Variants in TNIP3 observed in about 807,000 individuals in gnomAD.
TNIP3 encodes the protein TNFAIP3-interacting protein 3.
TNIP3 carries 34 observed loss-of-function variants against 54.1 expected under a neutral mutation model. That is an observed-to-expected ratio of 0.63 (90% CI 0.48 to 0.84). The LOEUF is 0.84. TNIP3 is among the 40% of genes least tolerant of loss of function. The pLI is 0.00. For synonymous variants in TNIP3, 134 were observed against 136.8 expected, an observed-to-expected ratio of 0.98 and a Z score of 0.14; for missense variants, 366 against 387.6, an observed-to-expected ratio of 0.94 and a Z score of 0.47.
chr4:121,160,242 G>C (rs1730363297), intron 2 of TNIP3, among the ~76,000 whole-genome samples: 1 of 152,166 alleles, frequency 6.6e-6, no homozygotes, highest in Admixed American at 6.5e-5. Context: ...ACTTTGGGAG[G>C]CTGAGGTGGG....
chr4:121,219,764 T>C (rs1726955240), upstream of TNIP3, among the ~76,000 whole-genome samples: 1 of 152,208 alleles, frequency 6.6e-6, no homozygotes, highest in Non-Finnish European at 1.5e-5. Flanking sequence ...ATGTTATACA[T>C]TGAGAGGTGT....
At chr4:121,186,291 C>T (rs1475490249) in intron 2 of TNIP3, among the ~76,000 whole-genome samples, 3 of 152,108 alleles carry the variant, frequency 2.0e-5, no homozygotes, top group South Asian at 2.1e-4. Flanking sequence ...GGGAGGGATA[C>T]GTTTTGAGCA....
intron 7 of TNIP3, among the ~76,000 whole-genome samples, chr4:121,143,987 AAC>A (rs1366686653): frequency 6.6e-6 from 1 of 152,192 alleles, no homozygotes; most frequent in African/African-American, 2.4e-5. Flanking sequence ...TCACAAAAAG[AAC>A]ACTAGGAATG....
intron 10 of TNIP3, among the ~76,000 whole-genome samples, chr4:121,133,438 A>C (rs1421174973): frequency 6.6e-6 from 1 of 152,208 alleles, no homozygotes; most frequent in Non-Finnish European, 1.5e-5. Flanking sequence ...TTAAAAAGGT[A>C]TCTAATATGT....
chr4:121,211,350 C>T (rs571678757), intron 2 of TNIP3, among the ~76,000 whole-genome samples: 1 of 152,234 alleles, frequency 6.6e-6, no homozygotes, highest in African/African-American at 2.4e-5. Context: ...ATGTAACCTG[C>T]CTACTCTCTA....
At chr4:121,151,948 C>T (rs1019068010) in intron 5 of TNIP3, among the ~76,000 whole-genome samples, 5 of 152,154 alleles carry the variant, frequency 3.3e-5, no homozygotes, top group Non-Finnish European at 7.4e-5. Context: ...ACGGGTGGCA[C>T]GAGCTGAGTA....
chr4:121,136,086 A>G (rs1728765323), intron 10 of TNIP3, among the ~76,000 whole-genome samples: 1 of 152,226 alleles, frequency 6.6e-6, no homozygotes, highest in African/African-American at 2.4e-5. Flanking sequence ...TAGGTTTCAA[A>G]TGACAACATA....
chr4:121,134,875 A>C (rs1384413813), intron 10 of TNIP3, among the ~76,000 whole-genome samples: 2 of 152,112 alleles, frequency 1.3e-5, no homozygotes, highest in Non-Finnish European at 1.5e-5. Flanking sequence ...CTGGCACCCA[A>C]ATGCACATCC....
At chr4:121,201,962 T>C (rs547261892) in intron 2 of TNIP3, among the ~76,000 whole-genome samples, 1 of 152,290 alleles carries the variant, frequency 6.6e-6, no homozygotes, top group African/African-American at 2.4e-5. Flanking sequence ...AGAATCAATA[T>C]TGTGAAAATG....
intron 2 of TNIP3, among the ~76,000 whole-genome samples, chr4:121,209,344 CACTGGACTTAT>C (rs1726353327): frequency 6.6e-6 from 1 of 152,158 alleles, no homozygotes; most frequent in Non-Finnish European, 1.5e-5. Context: ...TATGGGTGGT[CACTGGACTTAT>C]AACTGGCCTC....
At chr4:121,163,916 AT>A (rs1730608009) in intron 1 of TNIP3, 143 bp downstream of exon 1, 2 of 887,310 alleles carry the variant, frequency 2.3e-6, no homozygotes, top group African/African-American at 1.7e-5. Context: ...ATGTTACATA[AT>A]TTTGGTTAAA....
intron 2 of TNIP3, among the ~76,000 whole-genome samples, chr4:121,206,854 G>A (rs1199224767): frequency 6.6e-6 from 1 of 152,152 alleles, no homozygotes; most frequent in African/African-American, 2.4e-5. Context: ...ACAGGTGTGA[G>A]CCACTGAGCC....
At chr4:121,164,333 C>T, upstream of TNIP3, 1 of 1,341,390 alleles carries the variant, frequency 7.5e-7, no homozygotes, top group Non-Finnish European at 9.6e-7. Context: ...AAGTTATAAG[C>T]ACTGCAACTG....
chr4:121,157,551 T>G (rs1730192284), intron 3 of TNIP3, among the ~76,000 whole-genome samples: 2 of 152,198 alleles, frequency 1.3e-5, no homozygotes, highest in Non-Finnish European at 2.9e-5. Context: ...AGGTTTGTCA[T>G]TCTATTCTCA....
intron 2 of TNIP3, among the ~76,000 whole-genome samples, chr4:121,207,303 T>C (rs2148844656): frequency 6.6e-6 from 1 of 152,306 alleles, no homozygotes; most frequent in Middle Eastern, 3.4e-3. Flanking sequence ...CATTAAGCAT[T>C]GACAGCTATA....
At chr4:121,158,611 A>G in intron 3 of TNIP3, 76 bp downstream of exon 3, 1 of 1,182,038 alleles carries the variant, frequency 8.5e-7, no homozygotes, top group South Asian at 1.3e-5. Flanking sequence ...AGCTGAAATG[A>G]ATGAGACTCT....
intron 10 of TNIP3, among the ~76,000 whole-genome samples, chr4:121,135,186 T>C (rs1728708674): frequency 6.6e-6 from 1 of 152,212 alleles, no homozygotes; most frequent in Admixed American, 6.5e-5. Flanking sequence ...TGGTTTTCCA[T>C]GTATGTTTAT....
chr4:121,137,720 TC>T, intron 10 of TNIP3: 3 of 320,034 alleles, frequency 9.4e-6, no homozygotes, highest in South Asian at 8.1e-5. Flanking sequence ...AAACTAGATT[TC>T]TGTGATCTCA....
chr4:121,143,802 T>C (rs1020950476), intron 7 of TNIP3, among the ~76,000 whole-genome samples: 2 of 152,148 alleles, frequency 1.3e-5, no homozygotes, highest in Non-Finnish European at 2.9e-5. Flanking sequence ...TGGTCAAGAG[T>C]ACTATAACAT....
Sources: gnomAD v4.1 joint callset for allele counts (sites outside exome capture counted in the v4.1 genomes callset) on GRCh38, gnomAD v4.1.1 for gene constraint, MANE v1.5 for transcripts, NCBI Gene and HGNC (gene_info 2026-07-23, HGNC 2026-07-21) for gene names.